Variants in SLC2A9 observed in about 807,000 individuals in gnomAD.
The protein encoded by SLC2A9 is solute carrier family 2 member 9.
SLC2A9 carries 39 observed loss-of-function variants against 50.6 expected under a neutral mutation model. That is an observed-to-expected ratio of 0.77 (90% CI 0.60 to 1.01). The LOEUF (loss-of-function observed/expected upper bound fraction) is 1.01. Among genes scored for constraint, SLC2A9 ranks in the 50% least tolerant of loss-of-function variants. The pLI, the probability that SLC2A9 is intolerant of heterozygous loss-of-function variation, is 0.00. For missense variants in SLC2A9, 686 were observed against 677.6 expected (o/e 1.01, Z -0.14); for synonymous variants, 324 against 276.9 (o/e 1.17, Z -1.69).
chr4:10,030,645 C>A (rs1162520645), intron 1 of SLC2A9, among the ~76,000 whole-genome samples: 1 of 152,138 alleles, frequency 6.6e-6, no homozygotes, highest in Non-Finnish European at 1.5e-5. Context: ...TCGTAAAGCT[C>A]CTCTAAATAC....
chr4:9,860,302 T>C (rs780656911), intron 10 of SLC2A9, among the ~76,000 whole-genome samples: 2 of 152,200 alleles, frequency 1.3e-5, no homozygotes, highest in African/African-American at 4.8e-5. Context: ...TGCCCAGCCA[T>C]CTGGCACAGC....
chr4:10,024,063 C>A (rs1409944660), upstream of SLC2A9, among the ~76,000 whole-genome samples: 1 of 152,216 alleles, frequency 6.6e-6, no homozygotes, highest in Admixed American at 6.5e-5. Flanking sequence ...TTCTCCTGAC[C>A]TTGCTCAGGC....
At chr4:9,923,576 C>A (rs923270259) in intron 6 of SLC2A9, among the ~76,000 whole-genome samples, 9 of 152,120 alleles carry the variant, frequency 5.9e-5, no homozygotes, top group Admixed American at 6.5e-5. Flanking sequence ...CGGCATGGCA[C>A]GGCTCACGCT....
At chr4:9,911,337 C>T (rs768400775) in intron 7 of SLC2A9, among the ~76,000 whole-genome samples, 5 of 152,036 alleles carry the variant, frequency 3.3e-5, no homozygotes, top group African/African-American at 7.3e-5. Flanking sequence ...GTTTGTGACA[C>T]GAAGCCACTG....
At chr4:9,818,306 ATCT>A (rs375469654) in intron 3 of SLC2A9, among the ~76,000 whole-genome samples, 1 of 152,212 alleles carries the variant, frequency 6.6e-6, no homozygotes, top group African/African-American at 2.4e-5. Flanking sequence ...AGGAGGACTA[ATCT>A]TCTGGCTCAA....
At chr4:9,930,315 G>A (rs1055587862) in intron 6 of SLC2A9, among the ~76,000 whole-genome samples, 8 of 152,200 alleles carry the variant, frequency 5.3e-5, no homozygotes, top group African/African-American at 9.6e-5. Context: ...CCCTAAAGAC[G>A]GGTGGAAGGA....
chr4:9,943,370 C>A (rs1424181078), intron 5 of SLC2A9, among the ~76,000 whole-genome samples: 1 of 152,224 alleles, frequency 6.6e-6, no homozygotes, highest in African/African-American at 2.4e-5. Context: ...GTTCCGCCAG[C>A]CAGCATAGCC....
At chr4:9,883,192 T>A (rs1735551912) in intron 10 of SLC2A9, among the ~76,000 whole-genome samples, 1 of 152,102 alleles carries the variant, frequency 6.6e-6, no homozygotes, top group African/African-American at 2.4e-5. Flanking sequence ...TATTATCTTA[T>A]ATTCACCTAG....
At chr4:9,980,780 C>T (rs747906330) in intron 4 of SLC2A9, 43 bp from the exon 5 acceptor site, 29 of 1,613,608 alleles carry the variant, frequency 1.8e-5, no homozygotes, top group South Asian at 1.1e-4. Flanking sequence ...GGTGTCTTCC[C>T]GGGGGAGCTG....
At chr4:9,933,952 G>C (rs1161805945) in intron 6 of SLC2A9, among the ~76,000 whole-genome samples, 2 of 152,074 alleles carry the variant, frequency 1.3e-5, no homozygotes, top group Non-Finnish European at 2.9e-5. Flanking sequence ...CCACTTATAA[G>C]AACCCTTGTG....
At chr4:9,940,134 C>A (rs924702670) in intron 6 of SLC2A9, among the ~76,000 whole-genome samples, 1 of 152,288 alleles carries the variant, frequency 6.6e-6, no homozygotes. Flanking sequence ...GGTTACCCTC[C>A]CAGGCTAGTA....
chr4:9,839,005 G>T lies in SLC2A9; in HGVS notation c.1292-3997C>A, dbSNP rs563695360. 5.9e-5 allele frequency among the ~76,000 whole-genome samples: 9 copies of T among 152,196 alleles called. No homozygotes were observed. The South Asian group carries it at 8.3e-4, about 14-fold the overall frequency. On this transcript the variant is annotated intron_variant, in intron 10 of 11. Coordinates refer to ENST00000264784, the MANE Select transcript of SLC2A9 (RefSeq NM_020041.3). ...AACAAAAGCAAAAATTGACAAATGG[G>T]ATCCAATTAAACTAAAGAGCTTTTG...
chr4:9,970,398 C>T (rs1753711525), intron 5 of SLC2A9, among the ~76,000 whole-genome samples: 1 of 152,148 alleles, frequency 6.6e-6, no homozygotes, highest in Non-Finnish European at 1.5e-5. Flanking sequence ...GATGAGCTCC[C>T]TTGGCCAGAA....
intron 5 of SLC2A9, among the ~76,000 whole-genome samples, chr4:9,956,659 T>G (rs572973519): frequency 6.6e-6 from 1 of 152,294 alleles, no homozygotes; most frequent in South Asian, 2.1e-4. Context: ...TGTCTCAGGC[T>G]TTCCTTAAAG....
intron 1 of SLC2A9, among the ~76,000 whole-genome samples, chr4:10,020,057 T>TGC (rs1763325457): frequency 6.6e-6 from 1 of 150,482 alleles, no homozygotes. Flanking sequence ...TGTGTGTGTG[T>TGC]GTGTGTGTGT....
intron 6 of SLC2A9, among the ~76,000 whole-genome samples, chr4:9,931,130 T>G (rs1372873711): frequency 6.6e-6 from 1 of 152,170 alleles, no homozygotes; most frequent in Admixed American, 6.5e-5. Flanking sequence ...GGTAACTCTC[T>G]CAGAGGAGTT....
chr4:9,888,704 A>ATT (rs1736759825), intron 9 of SLC2A9, among the ~76,000 whole-genome samples: 5 of 152,054 alleles, frequency 3.3e-5, no homozygotes, highest in African/African-American at 7.2e-5. Flanking sequence ...TTCAGCATAC[A>ATT]CAAGGGCATA....
downstream of SLC2A9, among the ~76,000 whole-genome samples, chr4:9,823,415 G>T (rs1482273501): frequency 5.3e-5 from 8 of 152,154 alleles, no homozygotes; most frequent in East Asian, 1.2e-3. Context: ...ATTATATTTG[G>T]GTATCTGGAA....
chr4:9,922,595 G>C (rs1744141588), intron 6 of SLC2A9, among the ~76,000 whole-genome samples: 1 of 152,182 alleles, frequency 6.6e-6, no homozygotes, highest in Admixed American at 6.5e-5. Flanking sequence ...GAATGAGCAA[G>C]GAGGCAGTCC....
Sources: allele counts gnomAD v4.1 joint callset (sites outside exome capture counted in the v4.1 genomes callset), GRCh38; gene constraint gnomAD v4.1.1; transcripts MANE v1.5; gene names NCBI Gene and HGNC (gene_info 2026-07-23, HGNC 2026-07-21).